CCDC192: variants seen among roughly 807,000 people sequenced by gnomAD.
CCDC192 encodes coiled-coil domain-containing protein 192.
chr5:127,909,016 T>G (rs1753273795), intron 6 of CCDC192, among the ~76,000 whole-genome samples: 2 of 152,202 alleles, frequency 1.3e-5, no homozygotes, highest in Non-Finnish European at 2.9e-5. Context: ...GAACTCAAGC[T>G]TGGAGAATTG....
At chr5:127,752,461 T>G (rs1222427144) in intron 2 of CCDC192, among the ~76,000 whole-genome samples, 8 of 152,224 alleles carry the variant, frequency 5.3e-5, no homozygotes. Flanking sequence ...GAGGAGGCAG[T>G]CTGCCCGTTC....
intron 6 of CCDC192, among the ~76,000 whole-genome samples, chr5:127,888,493 T>C (rs1409029248): frequency 6.6e-6 from 1 of 151,998 alleles, no homozygotes; most frequent in Non-Finnish European, 1.5e-5. Context: ...CTCAAAGATA[T>C]TTGAAATCAG....
intron 5 of CCDC192, among the ~76,000 whole-genome samples, chr5:127,818,022 A>C (rs1232955973): frequency 6.6e-6 from 1 of 152,210 alleles, no homozygotes; most frequent in African/African-American, 2.4e-5. Context: ...AAAATAGTAC[A>C]AATTACTATC....
intron 5 of CCDC192, among the ~76,000 whole-genome samples, chr5:127,865,544 C>G (rs567903196): frequency 5.3e-5 from 8 of 151,680 alleles, no homozygotes; most frequent in African/African-American, 1.9e-4. Flanking sequence ...GATTGTCAGA[C>G]TGTTAGACTC....
At chr5:127,843,920 C>T (rs2127069536) in intron 5 of CCDC192, among the ~76,000 whole-genome samples, 1 of 152,336 alleles carries the variant, frequency 6.6e-6, no homozygotes, top group East Asian at 1.9e-4. Flanking sequence ...AAACCATATT[C>T]TAGTTTAACT....
intron 2 of CCDC192, among the ~76,000 whole-genome samples, chr5:127,744,024 G>T (rs1447233352): frequency 6.7e-6 from 1 of 149,980 alleles, no homozygotes; most frequent in Non-Finnish European, 1.5e-5. Flanking sequence ...AACCCAGGAG[G>T]CAGAGCTTGC....
chr5:127,774,256 T>C (rs894723233), intron 3 of CCDC192, among the ~76,000 whole-genome samples: 1 of 152,206 alleles, frequency 6.6e-6, no homozygotes, highest in Non-Finnish European at 1.5e-5. Flanking sequence ...AAGTTCTCAA[T>C]TTTGGCCAAG....
intron 5 of CCDC192, among the ~76,000 whole-genome samples, chr5:127,855,952 T>A (rs537717087): frequency 6.6e-6 from 1 of 152,310 alleles, no homozygotes; most frequent in South Asian, 2.1e-4. Context: ...TTAGCATAAT[T>A]CTTAAGGACC....
At chr5:127,820,667 T>C (rs1333856559) in intron 5 of CCDC192, among the ~76,000 whole-genome samples, 1 of 152,230 alleles carries the variant, frequency 6.6e-6, no homozygotes, top group African/African-American at 2.4e-5. Context: ...TAACGATACA[T>C]ACTTTCTACA....
chr5:127,765,185 G>A (rs780596912), intron 3 of CCDC192, among the ~76,000 whole-genome samples: 1 of 152,112 alleles, frequency 6.6e-6, no homozygotes, highest in Admixed American at 6.6e-5. Context: ...AATACTAATA[G>A]GTTATTATTC....
chr5:127,712,853 T>C (rs1455712100), intron 2 of CCDC192, among the ~76,000 whole-genome samples: 1 of 152,240 alleles, frequency 6.6e-6, no homozygotes, highest in Non-Finnish European at 1.5e-5. Flanking sequence ...AAAGTCATTG[T>C]ATCATTTAAC....
At chr5:127,737,476 G>C (rs1753090095) in intron 2 of CCDC192, among the ~76,000 whole-genome samples, 1 of 151,494 alleles carries the variant, frequency 6.6e-6, no homozygotes, top group South Asian at 2.1e-4. Flanking sequence ...TTCAATTCCT[G>C]GGTATCCTTG....
intron 3 of CCDC192, among the ~76,000 whole-genome samples, chr5:127,778,413 C>T (rs1385267012): frequency 6.6e-6 from 1 of 152,136 alleles, no homozygotes; most frequent in Non-Finnish European, 1.5e-5. Flanking sequence ...GATCTATTGC[C>T]TCAATCCATT....
intron 2 of CCDC192, among the ~76,000 whole-genome samples, chr5:127,737,346 C>G (rs1321606640): frequency 6.6e-5 from 10 of 151,978 alleles, no homozygotes; most frequent in Non-Finnish European, 1.5e-4. Flanking sequence ...AGCTTTACTT[C>G]CAAGTATGTG....
chr5:127,839,534 T>A (rs1393884950), intron 5 of CCDC192, among the ~76,000 whole-genome samples: 1 of 152,220 alleles, frequency 6.6e-6, no homozygotes, highest in Non-Finnish European at 1.5e-5. Context: ...TTATAATGAA[T>A]ACAGGTCAAC....
intron 6 of CCDC192, among the ~76,000 whole-genome samples, chr5:127,919,067 GTATA>G (rs1173733386): frequency 7.4e-6 from 1 of 134,800 alleles, no homozygotes; most frequent in African/African-American, 3.2e-5. Context: ...ATGTGTGTGT[GTATA>G]TATGTGTGTG....
chr5:127,925,031 TAAAAC>T (rs1408891343), intron 6 of CCDC192, among the ~76,000 whole-genome samples: 21 of 152,208 alleles, frequency 1.4e-4, no homozygotes, highest in African/African-American at 5.1e-4. Flanking sequence ...AACAAATATA[TAAAAC>T]AAAACTTATA....
intron 6 of CCDC192, among the ~76,000 whole-genome samples, chr5:127,923,268 A>C (rs1012998944): frequency 2.6e-5 from 4 of 152,200 alleles, no homozygotes; most frequent in Non-Finnish European, 4.4e-5. Context: ...ACCTACACAA[A>C]AGATTCTGTT....
chr5:127,758,869 C>T (rs538962518), intron 3 of CCDC192, among the ~76,000 whole-genome samples: 6 of 152,334 alleles, frequency 3.9e-5, no homozygotes, highest in South Asian at 2.1e-4. Context: ...TATGACCATA[C>T]ACAAGCAAAT....
Sources: gnomAD v4.1 joint callset for allele counts (sites outside exome capture counted in the v4.1 genomes callset) on GRCh38, gnomAD v4.1.1 for gene constraint, MANE v1.5 for transcripts, NCBI Gene and HGNC (gene_info 2026-07-23, HGNC 2026-07-21) for gene names.